Variants in WWOX observed in about 807,000 individuals in gnomAD.
WWOX encodes WW domain-containing oxidoreductase.
Under a neutral mutation model 46.2 loss-of-function variants are expected in WWOX, and 69 were observed. The observed-to-expected ratio is 1.49, with a 90% CI of 1.23 to 1.82. The LOEUF (loss-of-function observed/expected upper bound fraction) is 1.82, where lower values mean the gene tolerates loss of function less well. WWOX is among the 40% of genes most tolerant of loss of function. The pLI, the probability that WWOX is intolerant of heterozygous loss-of-function variation, is 0.00. For synonymous variants in WWOX, 359 were observed against 202.6 expected (o/e 1.77, Z -6.56); for missense variants, 919 against 542.6 (o/e 1.69, Z -6.89).
At chr16:78,114,949 G>T in intron 3 of WWOX, 27 bp from the exon 4 acceptor site, 1 of 1,613,992 alleles carries the variant, frequency 6.2e-7, no homozygotes, top group South Asian at 1.1e-5. Context: ...TCATTGCTGT[G>T]GGTTCACTGC....
chr16:78,175,099 T>C (rs911858822), intron 5 of WWOX, among the ~76,000 whole-genome samples: 1 of 152,110 alleles, frequency 6.6e-6, no homozygotes, highest in African/African-American at 2.4e-5. Flanking sequence ...CTTCCATCCG[T>C]AGAGGGCAGA....
At chr16:78,620,885 C>T (rs757502784) in intron 8 of WWOX, among the ~76,000 whole-genome samples, 12 of 152,050 alleles carry the variant, frequency 7.9e-5, no homozygotes, top group South Asian at 4.1e-4. Context: ...CTACGTATTG[C>T]GTATATTTGG....
Position 79,211,678 on chromosome 16 carries a change from TCAA to T in WWOX, c.1132_1134del (p.Asn378del), listed in dbSNP as rs1567625065. ...CTGGAGGGTCTGGGAGGGATGTACT[TCAA>T]CAACTGCTGCCGCTGCATGCCCTCA... On this transcript the variant is annotated inframe_deletion, in exon 9 of 9. Coordinates refer to ENST00000566780, the MANE Select transcript of WWOX (RefSeq NM_016373.4). 1.2e-6 allele frequency: 2 copies of T among 1,614,178 alleles called. No homozygotes were observed. The highest frequency in any genetic ancestry group is 1.7e-6 in the Non-Finnish European group (2 of 1,180,032).
chr16:79,094,188 C>G (rs151005833), intron 8 of WWOX, among the ~76,000 whole-genome samples: 1 of 151,628 alleles, frequency 6.6e-6, no homozygotes, highest in South Asian at 2.1e-4. Flanking sequence ...CGTCGTGTGC[C>G]GATATTTCAT....
chr16:78,616,730 C>T (rs1255893513), intron 8 of WWOX, among the ~76,000 whole-genome samples: 1 of 152,000 alleles, frequency 6.6e-6, no homozygotes, highest in Admixed American at 6.5e-5. Flanking sequence ...GGTGCCACTG[C>T]ACTCCTGTCT....
intron 5 of WWOX, among the ~76,000 whole-genome samples, chr16:78,171,476 G>A (rs11639672): frequency 2.6e-5 from 4 of 152,054 alleles, no homozygotes; most frequent in African/African-American, 9.7e-5. Context: ...ATGTGTTGGG[G>A]GGAGGCATGT....
At chr16:78,476,311 G>A (rs771397274) in intron 8 of WWOX, among the ~76,000 whole-genome samples, 1 of 152,114 alleles carries the variant, frequency 6.6e-6, no homozygotes, top group African/African-American at 2.4e-5. Context: ...GCCCACTTGG[G>A]TGGATGAAGC....
At chr16:78,482,718 A>G (rs529663731) in intron 8 of WWOX, among the ~76,000 whole-genome samples, 3 of 152,276 alleles carry the variant, frequency 2.0e-5, no homozygotes, top group Admixed American at 2.0e-4. Context: ...AAAAGCTGGT[A>G]AGTGGCAGAG....
At chr16:78,888,288 G>C (rs373687810) in intron 8 of WWOX, among the ~76,000 whole-genome samples, 1 of 152,192 alleles carries the variant, frequency 6.6e-6, no homozygotes, top group African/African-American at 2.4e-5. Context: ...CTTTGGGCTA[G>C]TGTGATTACA....
chr16:78,479,938 G>T (rs2151445095), intron 8 of WWOX, among the ~76,000 whole-genome samples: 1 of 152,296 alleles, frequency 6.6e-6, no homozygotes, highest in South Asian at 2.1e-4. Flanking sequence ...GCATCTAAGA[G>T]ACAAGAGAAA....
At chr16:78,293,978 GAAAAAAAA>G (rs35079271) in intron 5 of WWOX, among the ~76,000 whole-genome samples, 2 of 30,312 alleles carry the variant, frequency 6.6e-5, no homozygotes, top group African/African-American at 1.0e-4. Context: ...CTCTGTCTCA[GAAAAAAAA>G]AAAAAAAAAA....
At chr16:79,058,884 G>A (rs1193135716) in intron 8 of WWOX, among the ~76,000 whole-genome samples, 1 of 152,194 alleles carries the variant, frequency 6.6e-6, no homozygotes, top group Non-Finnish European at 1.5e-5. Flanking sequence ...AAGAACCAGA[G>A]AAGGACTTAC....
At chr16:78,514,071 G>C (rs1293113837) in intron 8 of WWOX, among the ~76,000 whole-genome samples, 1 of 152,122 alleles carries the variant, frequency 6.6e-6, no homozygotes, top group Non-Finnish European at 1.5e-5. Flanking sequence ...TCTGTTAATA[G>C]AATGACTCAA....
At chr16:78,927,121 A>C (rs774832446) in intron 8 of WWOX, among the ~76,000 whole-genome samples, 2 of 152,192 alleles carry the variant, frequency 1.3e-5, no homozygotes, top group Non-Finnish European at 2.9e-5. Context: ...ACTGCGAGAA[A>C]GTCACTGTGA....
intron 8 of WWOX, among the ~76,000 whole-genome samples, chr16:79,099,296 A>C (rs2049141784): frequency 6.6e-6 from 1 of 152,206 alleles, no homozygotes; most frequent in Non-Finnish European, 1.5e-5. Context: ...GGGACAGGCA[A>C]ACCAGATCCA....
intron 5 of WWOX, among the ~76,000 whole-genome samples, chr16:78,252,481 C>A (rs1567458743): frequency 6.6e-6 from 1 of 152,196 alleles, no homozygotes; most frequent in Admixed American, 6.5e-5. Flanking sequence ...ACAAAAATCC[C>A]TTTTGAATCA....
chr16:79,184,339 C>T (rs372946417), intron 8 of WWOX, among the ~76,000 whole-genome samples: 11 of 152,182 alleles, frequency 7.2e-5, no homozygotes, highest in East Asian at 3.9e-4. Flanking sequence ...GAACACCCAT[C>T]ACTGTGACAG....
At chr16:78,288,484 GAGCA>G (rs1343037078) in intron 5 of WWOX, among the ~76,000 whole-genome samples, 6 of 152,114 alleles carry the variant, frequency 3.9e-5, no homozygotes, top group Non-Finnish European at 8.8e-5. Context: ...TATTTGGAAA[GAGCA>G]AGCTTCTTCC....
intron 8 of WWOX, among the ~76,000 whole-genome samples, chr16:78,876,465 CTCT>C (rs1567619961): frequency 7.8e-6 from 1 of 128,140 alleles, no homozygotes; most frequent in Admixed American, 8.2e-5. Flanking sequence ...GAATGCTTGA[CTCT>C]TCTTTTTTTT....
Sources: allele counts gnomAD v4.1 joint callset (sites outside exome capture counted in the v4.1 genomes callset), GRCh38; gene constraint gnomAD v4.1.1; transcripts MANE v1.5; gene names NCBI Gene and HGNC (gene_info 2026-07-23, HGNC 2026-07-21).